CEP152: variants seen among roughly 807,000 people sequenced by gnomAD.
CEP152 encodes the protein centrosomal protein of 152 kDa.
In CEP152, 132 loss-of-function variants were observed where a neutral mutation model predicts 188.9. The observed-to-expected ratio is 0.70, with a 90% CI of 0.61 to 0.81. The LOEUF is 0.81. CEP152 is among the 30% of genes least tolerant of loss of function. CEP152 has a pLI of 0.00. For synonymous variants in CEP152, 649 were observed against 666.6 expected, an observed-to-expected ratio of 0.97 and a Z score of 0.41; for missense variants, 1,914 against 1,969.8, an observed-to-expected ratio of 0.97 and a Z score of 0.54.
chr15:48,752,568 C>T (rs1893956015), intron 20 of CEP152, 99 bp from the exon 21 acceptor site: 3 of 1,508,516 alleles, frequency 2.0e-6, no homozygotes, highest in Non-Finnish European at 2.6e-6. Context: ...AAAACACTAC[C>T]TGAAAAAAAT....
chr15:48,756,564 T>A lies in CEP152; in HGVS notation c.2695-11A>T, dbSNP rs1049522684. 2 of 1,602,132 alleles carry A rather than the reference T, an allele frequency of 1.2e-6. No individual in the cohort carries two copies. Among genetic ancestry groups the A allele is most frequent in the Non-Finnish European group, 8.5e-7 (1 of 1,179,404 alleles). On this transcript the variant is annotated splice_polypyrimidine_tract_variant and intron_variant, in intron 19 of 26. Coordinates refer to ENST00000380950, the MANE Select transcript of CEP152 (RefSeq NM_001194998.2). ...AACAGCAAATGATATCTAAAGAACA[T>A]AACAACATGCATTTTGAAAGTCTTT... is the stretch of plus-strand genomic sequence containing the variant.
chr15:48,756,607 C>A, intron 19 of CEP152, 54 bp from the exon 20 acceptor site: 1 of 1,547,448 alleles, frequency 6.5e-7, no homozygotes. Flanking sequence ...TCCTCCTTCG[C>A]AAAAAAATTA....
In CEP152 at chr15:48,738,079, A is replaced by G. The variant is rs2169757; in HGVS notation, c.*170T>C. ...ACATACACCATCAGGCCTTTGGAATATTAAGGCAACATAAATATCTCAAGC... is the reference window on the plus strand; with the variant it reads ...ACATACACCATCAGGCCTTTGGAATGTTAAGGCAACATAAATATCTCAAGC... On this transcript the variant is annotated 3_prime_UTR_variant, in exon 27 of 27. Coordinates refer to ENST00000380950, the MANE Select transcript of CEP152 (RefSeq NM_001194998.2). The G allele has an allele frequency of 0.034, 25,747 of 748,566 alleles. 539 individuals carry two copies. Among genetic ancestry groups the G allele is most frequent in the Middle Eastern group, 0.055 (139 of 2,548 alleles). The allele number at this position is 748,566 out of a possible 1,614,324, so 46.4% of individuals were successfully genotyped here. A position where few individuals can be genotyped will look rare whatever the true frequency, so the allele number is the denominator to read the frequency against.
At chr15:48,807,935 T>C (rs1383411714) in intron 1 of CEP152, among the ~76,000 whole-genome samples, 2 of 152,114 alleles carry the variant, frequency 1.3e-5, no homozygotes, top group Non-Finnish European at 2.9e-5. Context: ...AAAGTATATA[T>C]CTTTAATGTT....
intron 17 of CEP152, 76 bp from the exon 18 acceptor site, chr15:48,762,748 A>G: frequency 7.0e-7 from 1 of 1,430,276 alleles, no homozygotes; most frequent in Non-Finnish European, 9.7e-7. Context: ...GCTAGCCAGA[A>G]AAGCAACCAC....
chr15:48,734,851 A>T (rs1028615161), downstream of CEP152, among the ~76,000 whole-genome samples: 2 of 152,208 alleles, frequency 1.3e-5, no homozygotes, highest in Non-Finnish European at 2.9e-5. Flanking sequence ...ATATATACCT[A>T]ACAACAAAGC....
chr15:48,731,160 TATA>T (rs1346181967), intron 2 of CEP152, among the ~76,000 whole-genome samples: 1 of 152,180 alleles, frequency 6.6e-6, no homozygotes, highest in Non-Finnish European at 1.5e-5. Context: ...GTTCAACAGG[TATA>T]ATGTTTTAGT....
At chr15:48,741,897 T>C in intron 25 of CEP152, 50 bp downstream of exon 25, 1 of 1,614,028 alleles carries the variant, frequency 6.2e-7, no homozygotes, top group Non-Finnish European at 8.5e-7. Context: ...TTAAAAATGA[T>C]AACATGTTGT....
At chr15:48,804,576 C>T (rs1001099002) in intron 2 of CEP152, among the ~76,000 whole-genome samples, 4 of 152,182 alleles carry the variant, frequency 2.6e-5, no homozygotes, top group African/African-American at 4.8e-5. Flanking sequence ...TGACTTCCAC[C>T]AATAACACTA....
chr15:48,731,942 C>T (rs1892436178), intron 2 of CEP152, among the ~76,000 whole-genome samples: 1 of 152,194 alleles, frequency 6.6e-6, no homozygotes. Context: ...AGCTCAACAT[C>T]ACTGGTCATT....
chr15:48,810,159 A>C (rs1898236417), intron 1 of CEP152: 2 of 152,128 alleles, frequency 1.3e-5, no homozygotes, highest in South Asian at 4.1e-4. Context: ...AGGAAGGGTT[A>C]TAAACCCCCA....
At chr15:48,742,986 G>T (rs1411728866) in intron 24 of CEP152, among the ~76,000 whole-genome samples, 1 of 151,958 alleles carries the variant, frequency 6.6e-6, no homozygotes, top group Non-Finnish European at 1.5e-5. Context: ...ATTTGAAATG[G>T]AAAATGAAAT....
intron 12 of CEP152, among the ~76,000 whole-genome samples, chr15:48,780,878 A>T (rs1433438870): frequency 6.6e-6 from 1 of 152,140 alleles, no homozygotes; most frequent in Non-Finnish European, 1.5e-5. Flanking sequence ...CTCCTTCTAC[A>T]ACCACCACTA....
At position 48,767,345 on chromosome 15, in the gene CEP152, A is replaced by G. The variant is rs761617297; in HGVS notation, c.2137T>C (p.Leu713=). The change falls in exon 16 of 27, where the codon TTG becomes CTG. Residue 713 remains leucine, a synonymous_variant. Transcript: ENST00000380950. ...QLFEAYERTH[L]QLRSELDKLN... is the part of the protein sequence containing the mutation. ...ACTCTTTATTCTCACCTCAGTTGCAAATGAGTTCTCTCATAAGCCTCAAAG... is the reference window on the plus strand; with the variant it reads ...ACTCTTTATTCTCACCTCAGTTGCAGATGAGTTCTCTCATAAGCCTCAAAG... 3 of 1,614,198 alleles carry G rather than the reference A, an allele frequency of 1.9e-6. No homozygotes were observed. The highest frequency in any genetic ancestry group is 3.3e-5 in the Admixed American group (2 of 60,032).
intron 12 of CEP152, among the ~76,000 whole-genome samples, chr15:48,778,755 G>A (rs1896072955): frequency 6.6e-6 from 1 of 152,086 alleles, no homozygotes. Flanking sequence ...TTCAAGACCA[G>A]CCTGACCAAC....
rs370182080 is a variant in CEP152 at position 48,762,565 on chromosome 15, G to C, written c.2388C>G (p.Asp796Glu). The C allele has an allele frequency of 4.3e-5, 70 of 1,613,814 alleles. No homozygotes were observed. The highest frequency in any genetic ancestry group is 5.8e-5 in the Non-Finnish European group (68 of 1,179,984). ...KKTLDCGSQT[D>E]QVTTSDVISK... The stretch of plus-strand genomic sequence containing the variant: ...AAATAACATCACTGGTGGTTACTTG[G>C]TCAGTTTGGCTGCCACAATCTAAGG... Residue 796 changes from aspartate (D) to glutamate (E), a missense_variant, in exon 18 of 27, where the codon GAC becomes GAG. Physicochemically the swap from Asp to Glu is conservative, Grantham distance 45 (BLOSUM62 2). Transcript: ENST00000380950.
intron 2 of CEP152, 108 bp from the exon 3 acceptor site, chr15:48,798,159 T>A: frequency 1.3e-6 from 1 of 779,798 alleles, no homozygotes; most frequent in Non-Finnish European, 2.2e-6. Flanking sequence ...AAGAAGTTCA[T>A]AATTCCCTCC....
chr15:48,772,627 C>A lies in CEP152; in HGVS notation c.1642G>T (p.Ala548Ser), dbSNP rs1895640793. The A allele has an allele frequency of 3.1e-6, 5 of 1,613,910 alleles. No homozygotes were observed. The highest frequency in any genetic ancestry group is 4.2e-6 in the Non-Finnish European group (5 of 1,180,016). The change falls in exon 13 of 27, where the codon GCA (alanine) becomes TCA (serine). Residue 548 changes from alanine (A) to serine (S), a missense_variant. Coordinates refer to ENST00000380950, the MANE Select transcript of CEP152 (RefSeq NM_001194998.2). ...SKDEFILKLK[A>S]EVQRLLGSNS... ...CTACCCAGCAAACGCTGTACTTCTG[C>A]CTTTAACTTCAGAATGAACTCATCT...
At position 48,762,606 on chromosome 15, in the gene CEP152, C is replaced by A. The variant is rs1894768827; in HGVS notation, c.2347G>T (p.Ala783Ser). The A allele has an allele frequency of 1.9e-6, 3 of 1,613,916 alleles. No homozygotes were observed. Among genetic ancestry groups the A allele is most frequent in the Non-Finnish European group, 2.5e-6 (3 of 1,179,944 alleles). Residue 783 changes from alanine (A) to serine (S), a missense_variant, in exon 18 of 27, where the codon GCA becomes TCA. Coordinates refer to ENST00000380950, the MANE Select transcript of CEP152 (RefSeq NM_001194998.2). ...CAATCTAAGGTCTTCTTTTTCATTG[C>A]CTTTATAGTTTGATCCAGCTTAGAC... ...WQSKLDQTIK[A>S]MKKKTLDCGS... is the part of the protein sequence containing the mutation.
Sources: gnomAD v4.1 joint callset for allele counts (sites outside exome capture counted in the v4.1 genomes callset) on GRCh38, gnomAD v4.1.1 for gene constraint, MANE v1.5 for transcripts, NCBI Gene and HGNC (gene_info 2026-07-23, HGNC 2026-07-21) for gene names.